Variants in ADGRL3 observed in about 807,000 individuals in gnomAD.
ADGRL3 encodes the protein calcium-independent alpha-latrotoxin receptor 3.
A neutral mutation model predicts 153.5 loss-of-function variants in ADGRL3; 62 were observed. The ratio of observed to expected loss-of-function variants is 0.40; its 90% CI spans 0.33 to 0.50. ADGRL3 has a LOEUF of 0.50. Among genes scored for constraint, ADGRL3 ranks in the 20% least tolerant of loss-of-function variants. The pLI is 0.47. For synonymous variants in ADGRL3, 710 were observed against 672.5 expected (o/e 1.06, Z -0.86); for missense variants, 1,641 against 1,859.4 (o/e 0.88, Z 2.16).
intron 1 of ADGRL3, among the ~76,000 whole-genome samples, chr4:61,226,371 T>G (rs573819096): frequency 1.3e-5 from 2 of 152,198 alleles, no homozygotes; most frequent in Non-Finnish European, 2.9e-5. Flanking sequence ...TAATTGCAGT[T>G]TGCAGTATAG....
At position 61,934,831 on chromosome 4, in the gene ADGRL3, C is replaced by T. The variant is rs765885805; in HGVS notation, c.2113-9C>T. ...AGAGACCTCTGTCATTCTTTTCATC[C>T]TCTTGTAGGCAATGGTCGAGACAGT... On this transcript the variant is annotated splice_polypyrimidine_tract_variant and intron_variant, in intron 13 of 26. Coordinates refer to ENST00000683033, the MANE Select transcript of ADGRL3 (RefSeq NM_001387552.1). The T allele has an allele frequency of 6.2e-7, 1 of 1,611,304 alleles. No homozygotes were observed. Among genetic ancestry groups the T allele is most frequent in the Non-Finnish European group, 8.5e-7 (1 of 1,178,226 alleles).
intron 21 of ADGRL3, among the ~76,000 whole-genome samples, chr4:62,022,157 AGC>A (rs2099241128): frequency 6.6e-6 from 1 of 152,190 alleles, no homozygotes; most frequent in South Asian, 2.1e-4. Flanking sequence ...AAAGCAAAAT[AGC>A]CTTATTGCCT....
chr4:61,390,393 T>C lies in ADGRL3; in HGVS notation c.-174+7204T>C, dbSNP rs142490223. Among the ~76,000 whole-genome samples, 206 of 152,310 alleles carry C rather than the reference T, an allele frequency of 1.4e-3. 1 individual carries two copies. The highest frequency in any genetic ancestry group is 4.9e-3 in the African/African-American group (202 of 41,556). Reference sequence around the variant, plus strand: ...TGGTCCAAAAAAGGCTGCTTATTTCTGCCTGAATCAAGGATGCTACGTTGA... The same window carrying C: ...TGGTCCAAAAAAGGCTGCTTATTTCCGCCTGAATCAAGGATGCTACGTTGA... On this transcript the variant is annotated intron_variant, in intron 2 of 26. Coordinates refer to ENST00000683033, the MANE Select transcript of ADGRL3 (RefSeq NM_001387552.1).
intron 4 of ADGRL3, among the ~76,000 whole-genome samples, chr4:61,569,425 C>T (rs976378354): frequency 6.6e-6 from 1 of 152,080 alleles, no homozygotes; most frequent in Non-Finnish European, 1.5e-5. Flanking sequence ...AGCAGTCACT[C>T]ACAGTTTTCC....
intron 5 of ADGRL3, among the ~76,000 whole-genome samples, chr4:61,620,815 AT>A (rs1226748871): frequency 1.3e-5 from 2 of 151,156 alleles, no homozygotes; most frequent in Non-Finnish European, 2.9e-5. Context: ...TAATTTTTGT[AT>A]TTTTAGTAGA....
At chr4:61,591,371 T>C (rs944312415) in intron 5 of ADGRL3, among the ~76,000 whole-genome samples, 21 of 152,270 alleles carry the variant, frequency 1.4e-4, no homozygotes, top group African/African-American at 5.1e-4. Context: ...CACAGTAAGA[T>C]TCTGCATGCC....
intron 11 of ADGRL3, among the ~76,000 whole-genome samples, chr4:61,900,554 A>T (rs564219023): frequency 6.6e-6 from 1 of 152,320 alleles, no homozygotes; most frequent in East Asian, 1.9e-4. Context: ...TAAAAAACAT[A>T]ATTTGTGCAG....
intron 1 of ADGRL3, among the ~76,000 whole-genome samples, chr4:61,325,915 A>T (rs1282714714): frequency 6.6e-6 from 1 of 152,206 alleles, no homozygotes; most frequent in Non-Finnish European, 1.5e-5. Flanking sequence ...ATTAGAACTC[A>T]TTACATTCAA....
intron 5 of ADGRL3, among the ~76,000 whole-genome samples, chr4:61,624,249 T>C (rs2092701034): frequency 6.6e-6 from 1 of 152,016 alleles, no homozygotes; most frequent in African/African-American, 2.4e-5. Flanking sequence ...GTAGAGTGGA[T>C]TTGATGGGCC....
At chr4:61,690,530 A>G (rs970085507) in intron 6 of ADGRL3, among the ~76,000 whole-genome samples, 1 of 152,148 alleles carries the variant, frequency 6.6e-6, no homozygotes, top group South Asian at 2.1e-4. Flanking sequence ...AAGGTAGAAC[A>G]TAACAGTTTT....
At chr4:61,887,621 C>G (rs1020133856) in intron 9 of ADGRL3, among the ~76,000 whole-genome samples, 2 of 152,192 alleles carry the variant, frequency 1.3e-5, no homozygotes, top group Admixed American at 1.3e-4. Context: ...CCGAAGAGGG[C>G]AGATCGCAAG....
chr4:61,817,379 T>G (rs1166645372), intron 9 of ADGRL3, among the ~76,000 whole-genome samples: 2 of 152,260 alleles, frequency 1.3e-5, no homozygotes, highest in East Asian at 3.9e-4. Flanking sequence ...TGGCTGCCCA[T>G]GGACCAATTG....
intron 9 of ADGRL3, among the ~76,000 whole-genome samples, chr4:61,871,910 T>G (rs2149394412): frequency 6.6e-6 from 1 of 152,334 alleles, no homozygotes; most frequent in Non-Finnish European, 1.5e-5. Flanking sequence ...CTTCAAATGT[T>G]ACCTTTCAGT....
rs532063808 is a variant in ADGRL3, at chr4:61,891,003, T to A, written c.1481-1653T>A. Reference sequence around the variant, plus strand: ...ATTGTGTATAGTTTTAAGCTTTCAATTGCACTTAATATTTTGAAATATGTT... The same window carrying A: ...ATTGTGTATAGTTTTAAGCTTTCAAATGCACTTAATATTTTGAAATATGTT... On this transcript the variant is annotated intron_variant, in intron 9 of 26. Coordinates refer to ENST00000683033, the MANE Select transcript of ADGRL3 (RefSeq NM_001387552.1). 3.9e-5 allele frequency among the ~76,000 whole-genome samples: 6 copies of A among 152,346 alleles called. No individual in the cohort carries two copies. In the South Asian group the frequency reaches 1.2e-3, roughly 32 times the overall value.
At chr4:61,698,599 G>A (rs534892423) in intron 6 of ADGRL3, among the ~76,000 whole-genome samples, 29 of 152,162 alleles carry the variant, frequency 1.9e-4, no homozygotes, top group Non-Finnish European at 3.8e-4. Context: ...GTATTCTCAA[G>A]TATTTTTTTT....
At chr4:61,646,884 C>G (rs530745590) in intron 5 of ADGRL3, among the ~76,000 whole-genome samples, 9 of 152,288 alleles carry the variant, frequency 5.9e-5, no homozygotes, top group African/African-American at 1.7e-4. Context: ...GCCTGGCTGC[C>G]GAATTGCAGT....
intron 1 of ADGRL3, among the ~76,000 whole-genome samples, chr4:61,299,750 T>C (rs1404572308): frequency 1.3e-5 from 2 of 152,206 alleles, no homozygotes; most frequent in African/African-American, 4.8e-5. Flanking sequence ...TGTAACTCTT[T>C]ATATAAAGAT....
At chr4:61,996,264 C>T (rs763403676) in intron 19 of ADGRL3, 27 bp from the exon 20 acceptor site, 1 of 1,540,512 alleles carries the variant, frequency 6.5e-7, no homozygotes, top group Non-Finnish European at 9.0e-7. Flanking sequence ...TCCTTGAATA[C>T]CTTCTCTCCC....
At chr4:62,019,185 A>G (rs2099226590) in intron 21 of ADGRL3, among the ~76,000 whole-genome samples, 1 of 152,026 alleles carries the variant, frequency 6.6e-6, no homozygotes, top group African/African-American at 2.4e-5. Context: ...ATATATATAT[A>G]AAAGTTTTTC....
Sources: gnomAD v4.1 joint callset for allele counts (sites outside exome capture counted in the v4.1 genomes callset) on GRCh38, gnomAD v4.1.1 for gene constraint, MANE v1.5 for transcripts, NCBI Gene and HGNC (gene_info 2026-07-23, HGNC 2026-07-21) for gene names.